Variants in PEX5L observed in about 807,000 individuals in gnomAD.
PEX5L encodes peroxisomal biogenesis factor 5 like, also known as PEX5-related protein.
A neutral mutation model predicts 84.0 loss-of-function variants in PEX5L; 30 were observed. The observed-to-expected ratio is 0.36, with a 90% CI of 0.27 to 0.48. PEX5L has a LOEUF of 0.48. Among genes scored for constraint, PEX5L ranks in the 20% least tolerant of loss-of-function variants. The pLI is 0.99. For missense variants in PEX5L, 533 were observed against 754.6 expected, an observed-to-expected ratio of 0.71 and a Z score of 3.44; for synonymous variants, 270 against 283.1, an observed-to-expected ratio of 0.95 and a Z score of 0.46.
rs758792684 is a variant in PEX5L, at chr3:179,859,056, A to C, written c.822+6T>G. On this transcript the variant is annotated splice_donor_region_variant and intron_variant, in intron 8 of 14. Coordinates refer to ENST00000467460, the MANE Select transcript of PEX5L (RefSeq NM_016559.3). ...AACAGAAAAAACTAATTTGAAGAAA[A>C]GTTACCTCCACTGCTGCTTTTGCCC... 6 of 1,602,376 alleles carry C rather than the reference A, an allele frequency of 3.7e-6. No individual in the cohort carries two copies. The South Asian group carries it at 6.6e-5, about 18-fold the overall frequency.
At chr3:179,921,582 G>A (rs1230204937) in intron 2 of PEX5L, 1 of 152,182 alleles carries the variant, frequency 6.6e-6, no homozygotes, top group Non-Finnish European at 1.5e-5. Context: ...CATCACAAGA[G>A]CTATGAAAGT....
At chr3:179,834,966 G>C (rs896828413) in intron 8 of PEX5L, among the ~76,000 whole-genome samples, 2 of 152,188 alleles carry the variant, frequency 1.3e-5, no homozygotes, top group African/African-American at 4.8e-5. Context: ...TGTAAACAAA[G>C]AGAGGAGATG....
rs1397137317 is a variant in PEX5L, at chr3:179,798,012, A to G, written c.*3816T>C. 6.6e-6 allele frequency: 1 copy of G among 152,198 alleles called. No individual in the cohort carries two copies. Among genetic ancestry groups the G allele is most frequent in the African/African-American group, 2.4e-5 (1 of 41,454 alleles). 9.4% of individuals were successfully genotyped at this position (152,198 alleles called of 1,614,324 possible). A position where few individuals can be genotyped will look rare whatever the true frequency, so the allele number is the denominator to read the frequency against. ...CAAGCTCACAGACAAAGTTTATGAT[A>G]AAGAGTTTGGAAGCTTTTATTATAA... is the stretch of plus-strand genomic sequence containing the variant. On this transcript the variant is annotated 3_prime_UTR_variant, in exon 15 of 15. Coordinates refer to ENST00000467460, the MANE Select transcript of PEX5L (RefSeq NM_016559.3).
chr3:179,801,961 T>C lies in PEX5L; in HGVS notation c.1748A>G (p.His583Arg), dbSNP rs1201712662. ...CCAGATATTCCCAGAGATTGCAGGA[T>C]GAGGAACTTGCTGCTGATTCCTGCT... ...RKSRNQQQVP[H>R]PAISGNIWAA... is the part of the protein sequence containing the mutation. The change falls in exon 15 of 15, where the codon CAT becomes CGT. Residue 583 changes from histidine to arginine, a missense_variant. Transcript: ENST00000467460. 2 of 1,613,826 alleles carry C rather than the reference T, an allele frequency of 1.2e-6. No individual in the cohort carries two copies. Among genetic ancestry groups the C allele is most frequent in the South Asian group, 2.2e-5 (2 of 91,066 alleles).
chr3:179,927,650 G>A (rs1771842281), intron 2 of PEX5L, among the ~76,000 whole-genome samples: 1 of 151,952 alleles, frequency 6.6e-6, no homozygotes, highest in South Asian at 2.1e-4. Context: ...TCATTTATTT[G>A]AAAAATTAAT....
At chr3:179,826,373 C>T (rs971140920) in intron 8 of PEX5L, among the ~76,000 whole-genome samples, 5 of 152,172 alleles carry the variant, frequency 3.3e-5, no homozygotes, top group African/African-American at 7.2e-5. Context: ...CATTAGCAAA[C>T]GAATGTCTTT....
chr3:179,964,346 G>A lies in PEX5L; in HGVS notation c.93+7248C>T, dbSNP rs79163700. On this transcript the variant is annotated intron_variant, in intron 2 of 14. Transcript: ENST00000467460. ...AAAGGACATGATCTTGTAAAAACCC[G>A]GGAAGATAACCTAGGAAATACTATT... Among the ~76,000 whole-genome samples the A allele has an allele frequency of 6.8e-3, 1,037 of 152,098 alleles. 47 individuals carry two copies. The East Asian group carries it at 0.1, about 15-fold the overall frequency.
intron 8 of PEX5L, among the ~76,000 whole-genome samples, chr3:179,829,943 A>ATTTTTTTTTTTTTTTTTTT (rs11352022): frequency 6.0e-5 from 5 of 83,610 alleles, no homozygotes; most frequent in Non-Finnish European, 8.8e-5. Flanking sequence ...GGCCTGGCTA[A>ATTTTTTTTTTTTTTTTTTT]TTTTTTTTTT....
At chr3:180,008,886 A>G (rs1789170073) in intron 1 of PEX5L, among the ~76,000 whole-genome samples, 1 of 152,178 alleles carries the variant, frequency 6.6e-6, no homozygotes, top group Admixed American at 6.5e-5. Context: ...CAGCCAAACC[A>G]TATCATCTTG....
chr3:179,971,148 T>G (rs920087354), intron 2 of PEX5L, among the ~76,000 whole-genome samples: 12 of 151,926 alleles, frequency 7.9e-5, no homozygotes, highest in African/African-American at 2.9e-4. Flanking sequence ...TCTGGAAAAT[T>G]AAATTGGGCA....
intron 2 of PEX5L, among the ~76,000 whole-genome samples, chr3:179,957,710 A>C (rs960846621): frequency 3.9e-5 from 6 of 152,178 alleles, no homozygotes; most frequent in Non-Finnish European, 8.8e-5. Flanking sequence ...AGAATTTTTC[A>C]AATGTGGTGG....
At chr3:179,840,183 G>GTTTTTTTTTTT (rs71182521) in intron 8 of PEX5L, among the ~76,000 whole-genome samples, 1 of 78,720 alleles carries the variant, frequency 1.3e-5, no homozygotes, top group Admixed American at 1.7e-4. Flanking sequence ...GTGTGTGTGT[G>GTTTTTTTTTTT]TTTTTTTTTT....
intron 1 of PEX5L, among the ~76,000 whole-genome samples, chr3:179,987,912 C>A (rs1298977429): frequency 6.6e-6 from 1 of 152,134 alleles, no homozygotes; most frequent in Non-Finnish European, 1.5e-5. Context: ...TGTGTCAAAT[C>A]AGGGTTCTAG....
intron 1 of PEX5L, among the ~76,000 whole-genome samples, chr3:180,016,980 T>C (rs1361224483): frequency 1.3e-5 from 2 of 151,882 alleles, no homozygotes; most frequent in East Asian, 3.8e-4. Context: ...GTAAAAAGAG[T>C]GAGTAATGTT....
intron 1 of PEX5L, among the ~76,000 whole-genome samples, chr3:179,993,489 A>G (rs1195330164): frequency 2.0e-5 from 3 of 151,902 alleles, no homozygotes; most frequent in Non-Finnish European, 4.4e-5. Context: ...AACCTCCCAT[A>G]TATTTATTTT....
rs112040671 is a variant in PEX5L, at chr3:179,915,429, C to G, written c.94-17183G>C. Among the ~76,000 whole-genome samples, 597 of 152,128 alleles carry G rather than the reference C, an allele frequency of 3.9e-3. 3 individuals carry two copies. The highest frequency in any genetic ancestry group is 7.1e-3 in the Non-Finnish European group (486 of 67,994). On this transcript the variant is annotated intron_variant, in intron 2 of 14. Coordinates refer to ENST00000467460, the MANE Select transcript of PEX5L (RefSeq NM_016559.3). ...GAAACTATAACTTTAATCGAACATG[C>G]CTTAAGGAAGAACTAGTACATTCGT...
intron 8 of PEX5L, among the ~76,000 whole-genome samples, chr3:179,824,306 A>G (rs1238218688): frequency 6.6e-6 from 1 of 152,098 alleles, no homozygotes; most frequent in African/African-American, 2.4e-5. Context: ...AGGAGTCTGG[A>G]TTTCTTTTTG....
intron 7 of PEX5L, among the ~76,000 whole-genome samples, chr3:179,866,645 T>C (rs1232149911): frequency 1.3e-5 from 2 of 152,178 alleles, no homozygotes; most frequent in Non-Finnish European, 2.9e-5. Context: ...GTTGGAATCT[T>C]ATACTAGAAT....
At position 180,012,452 on chromosome 3, in the gene PEX5L, T is replaced by G. The variant is rs553382979; in HGVS notation, c.21+24127A>C. Among the ~76,000 whole-genome samples, 181 of 152,256 alleles carry G rather than the reference T, an allele frequency of 1.2e-3. 1 individual carries two copies. The highest frequency in any genetic ancestry group is 4.1e-3 in the African/African-American group (170 of 41,556). ...GCAAAATGATAACAGATTTTATTTT[T>G]TAAAAAAGGAAAGAAACAAACTGGT... On this transcript the variant is annotated intron_variant, in intron 1 of 14. Coordinates refer to ENST00000467460, the MANE Select transcript of PEX5L (RefSeq NM_016559.3).
Sources: allele counts gnomAD v4.1 joint callset (sites outside exome capture counted in the v4.1 genomes callset), GRCh38; gene constraint gnomAD v4.1.1; transcripts MANE v1.5; gene names NCBI Gene and HGNC (gene_info 2026-07-23, HGNC 2026-07-21).